Variants in PRDM11 observed in about 807,000 individuals in gnomAD.
PRDM11 encodes the protein PR domain-containing protein 11.
Under a neutral mutation model 97.8 loss-of-function variants are expected in PRDM11, and 20 were observed. The ratio of observed to expected loss-of-function variants is 0.20; its 90% confidence interval spans 0.14 to 0.30. The LOEUF is 0.30. Among genes scored for constraint, PRDM11 ranks in the 10% least tolerant of loss-of-function variants. The pLI is 1.00. For synonymous variants in PRDM11, 599 were observed against 637.7 expected, an observed-to-expected ratio of 0.94 and a Z score of 0.91; for missense variants, 1,139 against 1,555.2, an observed-to-expected ratio of 0.73 and a Z score of 4.50.
Position 45,173,604 on chromosome 11 carries a change from AAGAG to A in PRDM11, c.-6-8153_-6-8150del, listed in dbSNP as rs1286732269. 4.0e-4 allele frequency among the ~76,000 whole-genome samples: 61 copies of A among 151,176 alleles called. 1 individual carries two copies. Among genetic ancestry groups the A allele is most frequent in the Admixed American group, 3.7e-3 (56 of 15,192 alleles). On this transcript the variant is annotated intron_variant, in intron 1 of 7. Transcript: ENST00000683152. ...GCCACTGCATTCCAGCCTGGACAAC[AAGAG>A]AGAAACACCGCGTCAAAAAAAAAAA...
intron 1 of PRDM11, among the ~76,000 whole-genome samples, chr11:45,123,666 A>G (rs11038312): frequency 0.4 from 56,548 of 141,848 alleles, 12,810 homozygotes; most frequent in Non-Finnish European, 0.55. Flanking sequence ...GATATGCAGC[A>G]TTATTTCTGA....
At chr11:45,126,839 A>G (rs951811589) in intron 1 of PRDM11, among the ~76,000 whole-genome samples, 46 of 152,240 alleles carry the variant, frequency 3.0e-4, no homozygotes, top group Non-Finnish European at 5.1e-4. Flanking sequence ...CTCGAGGAGT[A>G]TCTTTGTGGT....
upstream of PRDM11, among the ~76,000 whole-genome samples, chr11:45,142,052 G>A (rs949881728): frequency 1.3e-5 from 2 of 152,100 alleles, no homozygotes; most frequent in Non-Finnish European, 2.9e-5. Context: ...TAGAATTCAG[G>A]GATAATTCAA....
intron 4 of PRDM11, among the ~76,000 whole-genome samples, chr11:45,196,538 A>G (rs1331716258): frequency 6.6e-6 from 1 of 151,814 alleles, no homozygotes; most frequent in Non-Finnish European, 1.5e-5. Context: ...TCTCTCTCTC[A>G]CCCTTGCCCA....
intron 1 of PRDM11, among the ~76,000 whole-genome samples, chr11:45,153,522 G>A (rs1452280621): frequency 1.3e-5 from 2 of 152,236 alleles, no homozygotes; most frequent in Admixed American, 6.5e-5. Flanking sequence ...CTGGGTGTGA[G>A]GCCAGTGGAC....
intron 1 of PRDM11, among the ~76,000 whole-genome samples, chr11:45,154,554 A>G (rs1025994077): frequency 5.3e-5 from 8 of 152,134 alleles, no homozygotes; most frequent in Non-Finnish European, 1.0e-4. Context: ...GCTCCCAAGC[A>G]GCAGCCTTAG....
chr11:45,142,808 C>T (rs539162549), upstream of PRDM11, among the ~76,000 whole-genome samples: 49 of 152,322 alleles, frequency 3.2e-4, no homozygotes, highest in Middle Eastern at 3.4e-3. Context: ...CAGAACTGTG[C>T]CTGGCTTAAC....
At chr11:45,123,060 T>G (rs551432598) in intron 1 of PRDM11, among the ~76,000 whole-genome samples, 2 of 152,224 alleles carry the variant, frequency 1.3e-5, no homozygotes, top group South Asian at 4.1e-4. Flanking sequence ...TGGTATCTCA[T>G]TGTGGTTTTG....
At chr11:45,097,841 G>A (rs1851909765) in intron 1 of PRDM11, among the ~76,000 whole-genome samples, 1 of 152,260 alleles carries the variant, frequency 6.6e-6, no homozygotes, top group Non-Finnish European at 1.5e-5. Flanking sequence ...GGTGCCTGCA[G>A]TGGCAGGAGG....
chr11:45,126,405 T>C (rs1852574102), intron 1 of PRDM11, among the ~76,000 whole-genome samples: 1 of 152,148 alleles, frequency 6.6e-6, no homozygotes, highest in Non-Finnish European at 1.5e-5. Context: ...ATTTTGCTCA[T>C]TAGTTGATGC....
chr11:45,136,334 T>C (rs1449176531), intron 1 of PRDM11, among the ~76,000 whole-genome samples: 4 of 152,198 alleles, frequency 2.6e-5, no homozygotes, highest in Non-Finnish European at 5.9e-5. Context: ...GTGTGCCTAG[T>C]AAGCCAAGGT....
chr11:45,153,301 C>A (rs972378672), intron 1 of PRDM11, among the ~76,000 whole-genome samples: 4 of 152,248 alleles, frequency 2.6e-5, no homozygotes, highest in Non-Finnish European at 5.9e-5. Flanking sequence ...CCACACTGTT[C>A]CCTGGAGAGG....
At chr11:45,116,928 A>G (rs984359612) in intron 1 of PRDM11, among the ~76,000 whole-genome samples, 1 of 152,210 alleles carries the variant, frequency 6.6e-6, no homozygotes, top group Non-Finnish European at 1.5e-5. Flanking sequence ...GTCCACTTAA[A>G]GAGTTCCCAA....
At chr11:45,221,058 G>A (rs1176866924) in intron 6 of PRDM11, among the ~76,000 whole-genome samples, 3 of 152,154 alleles carry the variant, frequency 2.0e-5, no homozygotes, top group African/African-American at 7.2e-5. Flanking sequence ...TGGAATATGA[G>A]GGGAGAAGAT....
At chr11:45,166,252 G>A (rs576863452) in intron 1 of PRDM11, among the ~76,000 whole-genome samples, 144 of 152,280 alleles carry the variant, frequency 9.5e-4, no homozygotes, top group African/African-American at 3.4e-3. Context: ...CTCCATTCAT[G>A]GGCAGGCTGT....
At chr11:45,119,838 C>CAGTGAG (rs1428059193) in intron 1 of PRDM11, among the ~76,000 whole-genome samples, 2 of 151,884 alleles carry the variant, frequency 1.3e-5, no homozygotes, top group African/African-American at 4.8e-5. Context: ...CAGCATCTGG[C>CAGTGAG]AGTGACAGTG....
At position 45,226,705 on chromosome 11, in the gene PRDM11, C is replaced by T. The variant is rs747187154; in HGVS notation, c.2080C>T (p.Leu694=). ...GCCCCCGGCCACAGAGTTCCTGTCC[C>T]TGCAGGAGCTGGGATTCTCTAGCAC... ...DGPPATEFLS[L]QELGFSSTES... is the part of the protein sequence containing the mutation. Residue 694 remains leucine, a synonymous_variant, in exon 8 of 8, where the codon CTG becomes TTG. Coordinates refer to ENST00000683152, the MANE Select transcript of PRDM11 (RefSeq NM_001384648.1). 6 of 1,533,980 alleles carry T rather than the reference C, an allele frequency of 3.9e-6. No individual in the cohort carries two copies. The South Asian group carries it at 7.1e-5, about 18-fold the overall frequency.
At chr11:45,214,093 C>T (rs1189162682) in intron 5 of PRDM11, 1 of 219,642 alleles carries the variant, frequency 4.6e-6, no homozygotes, top group Admixed American at 5.2e-5. Context: ...CAACCTCTTC[C>T]CTGGCTTCTA....
chr11:45,231,084 GGGTGCTTGT>G lies in PRDM11; in HGVS notation c.*2928_*2936del, dbSNP rs1854390668. 1 of 152,240 alleles carries G rather than the reference GGGTGCTTGT, an allele frequency of 6.6e-6. No individual in the cohort carries two copies. Among genetic ancestry groups the G allele is most frequent in the Non-Finnish European group, 1.5e-5 (1 of 68,056 alleles). 9.4% of individuals were successfully genotyped at this position (152,240 alleles called of 1,614,324 possible). The stretch of plus-strand genomic sequence containing the variant: ...TAGGTTAGGGCATCCCTAAAACTCT[GGGTGCTTGT>G]GGCTTCTGCTGAATTTAGCCATGCC... On this transcript the variant is annotated 3_prime_UTR_variant, in exon 8 of 8. Coordinates refer to ENST00000683152, the MANE Select transcript of PRDM11 (RefSeq NM_001384648.1).
Sources: gnomAD v4.1 joint callset for allele counts (sites outside exome capture counted in the v4.1 genomes callset) on GRCh38, gnomAD v4.1.1 for gene constraint, MANE v1.5 for transcripts, NCBI Gene and HGNC (gene_info 2026-07-23, HGNC 2026-07-21) for gene names.